UNC93A: variants seen among roughly 807,000 people sequenced by gnomAD.
The protein encoded by UNC93A is N-acetylglucosamine transporter UNC93A.
In UNC93A, 43 loss-of-function variants were observed where a neutral mutation model predicts 47.5. The observed-to-expected ratio is 0.91, with a 90% CI of 0.71 to 1.17. The LOEUF (loss-of-function observed/expected upper bound fraction) is 1.17. Among genes scored for constraint, UNC93A ranks in the 50% most tolerant of loss-of-function variants. The pLI is 0.00. For synonymous variants in UNC93A, 280 were observed against 258.0 expected (o/e 1.09, Z -0.82); for missense variants, 605 against 577.6 (o/e 1.05, Z -0.49).
chr6:167,300,566 G>T (rs2115146152), intron 4 of UNC93A, among the ~76,000 whole-genome samples: 1 of 152,290 alleles, frequency 6.6e-6, no homozygotes, highest in Admixed American at 6.5e-5. Flanking sequence ...CCAGACTGAG[G>T]GTTTCAGAAG....
chr6:167,307,737 G>C (rs1421990449), intron 6 of UNC93A, 42 bp from the exon 7 acceptor site: 8 of 1,574,390 alleles, frequency 5.1e-6, no homozygotes, highest in Non-Finnish European at 6.9e-6. Context: ...AGGCCATGAT[G>C]ATGGCCCTCA....
At chr6:167,282,463 A>G (rs1479142457) in intron 1 of UNC93A, among the ~76,000 whole-genome samples, 3 of 152,118 alleles carry the variant, frequency 2.0e-5, no homozygotes, top group African/African-American at 7.2e-5. Context: ...TGGGAAAATA[A>G]GAAATTGGAG....
At chr6:167,304,693 C>A (rs1426945005) in intron 5 of UNC93A, among the ~76,000 whole-genome samples, 1 of 152,150 alleles carries the variant, frequency 6.6e-6, no homozygotes, top group African/African-American at 2.4e-5. Context: ...GCCTCAGCCT[C>A]CCAAGTAGCT....
chr6:167,306,964 C>G (rs1778414417), intron 6 of UNC93A, among the ~76,000 whole-genome samples: 1 of 152,172 alleles, frequency 6.6e-6, no homozygotes, highest in African/African-American at 2.4e-5. Context: ...TGGGACGAGT[C>G]ACAAGGTGGG....
At chr6:167,269,151 G>A (rs1329674611), upstream of UNC93A, among the ~76,000 whole-genome samples, 1 of 152,232 alleles carries the variant, frequency 6.6e-6, no homozygotes, top group African/African-American at 2.4e-5. Context: ...AAAACCCAGC[G>A]AGATGAGCGT....
intron 1 of UNC93A, among the ~76,000 whole-genome samples, chr6:167,294,271 C>T (rs2076007): frequency 0.15 from 22,833 of 152,178 alleles, 2,030 homozygotes; most frequent in East Asian, 0.4. Flanking sequence ...CCAGCCCCGG[C>T]GCAAGCACTC....
At chr6:167,277,086 G>A (rs371687467) in intron 1 of UNC93A, among the ~76,000 whole-genome samples, 86 of 148,504 alleles carry the variant, frequency 5.8e-4, no homozygotes, top group African/African-American at 2.1e-3. Context: ...CCAGTGGGCC[G>A]GGGGCACGTT....
chr6:167,277,998 G>A (rs1270323165), intron 1 of UNC93A, among the ~76,000 whole-genome samples: 1 of 152,080 alleles, frequency 6.6e-6, no homozygotes, highest in Non-Finnish European at 1.5e-5. Flanking sequence ...GGGTCAGAGC[G>A]CTTTCTTCTT....
intron 5 of UNC93A, among the ~76,000 whole-genome samples, chr6:167,304,578 T>C (rs1012354314): frequency 2.0e-5 from 3 of 151,902 alleles, no homozygotes; most frequent in Non-Finnish European, 4.4e-5. Flanking sequence ...CTTTCTTTTT[T>C]TCTTTTTTTG....
chr6:167,287,018 A>C (rs1408186576), upstream of UNC93A, among the ~76,000 whole-genome samples: 1 of 150,116 alleles, frequency 6.7e-6, no homozygotes, highest in Admixed American at 6.6e-5. Flanking sequence ...CAGCATAATC[A>C]GCACTTTCTG....
chr6:167,311,553 T>C (rs765379454), intron 7 of UNC93A, among the ~76,000 whole-genome samples: 72 of 152,240 alleles, frequency 4.7e-4, no homozygotes, highest in Non-Finnish European at 8.4e-4. Flanking sequence ...TTTGCTCTGT[T>C]GGCTGTTTTC....
At chr6:167,299,938 C>G (rs867952214) in intron 4 of UNC93A, among the ~76,000 whole-genome samples, 1 of 152,192 alleles carries the variant, frequency 6.6e-6, no homozygotes, top group Non-Finnish European at 1.5e-5. Flanking sequence ...TGCAGAGAGA[C>G]AGCGGGCAGA....
At chr6:167,314,067 C>T (rs1054672398) in intron 7 of UNC93A, among the ~76,000 whole-genome samples, 4 of 152,124 alleles carry the variant, frequency 2.6e-5, no homozygotes, top group Non-Finnish European at 5.9e-5. Flanking sequence ...AGCGCATCTG[C>T]GTTGGTCTTC....
intron 7 of UNC93A, among the ~76,000 whole-genome samples, chr6:167,314,040 G>A (rs991209458): frequency 6.6e-6 from 1 of 152,130 alleles, no homozygotes; most frequent in Non-Finnish European, 1.5e-5. Context: ...GCTCTAGCAG[G>A]GCACTCCCCT....
chr6:167,295,915 C>T, intron 2 of UNC93A, 117 bp from the exon 3 acceptor site: 1 of 889,150 alleles, frequency 1.1e-6, no homozygotes, highest in Non-Finnish European at 1.8e-6. Flanking sequence ...CATCACCACG[C>T]TTGCAATGGG....
intron 1 of UNC93A, among the ~76,000 whole-genome samples, chr6:167,294,040 T>C (rs1432034293): frequency 1.3e-5 from 2 of 152,178 alleles, no homozygotes; most frequent in African/African-American, 4.8e-5. Flanking sequence ...AGGCGGGCGA[T>C]GGATATTTGG....
chr6:167,284,846 T>A (rs1323875044), intron 1 of UNC93A, among the ~76,000 whole-genome samples: 1 of 150,242 alleles, frequency 6.7e-6, no homozygotes. Context: ...TTGAGAACAT[T>A]GGGAGATCTT....
intron 4 of UNC93A, among the ~76,000 whole-genome samples, chr6:167,302,621 G>A (rs953410141): frequency 1.3e-5 from 2 of 152,160 alleles, no homozygotes; most frequent in African/African-American, 4.8e-5. Context: ...CAGAAATTGA[G>A]GTGGATCAAA....
At chr6:167,295,045 G>A (rs1407039909) in intron 2 of UNC93A, among the ~76,000 whole-genome samples, 2 of 152,114 alleles carry the variant, frequency 1.3e-5, no homozygotes, top group Admixed American at 6.5e-5. Context: ...GGTGAGTCTC[G>A]TGGGCACCTA....
Sources: gnomAD v4.1 joint callset for allele counts (sites outside exome capture counted in the v4.1 genomes callset) on GRCh38, gnomAD v4.1.1 for gene constraint, MANE v1.5 for transcripts, NCBI Gene and HGNC (gene_info 2026-07-23, HGNC 2026-07-21) for gene names.